The following EHBP1 variants were observed in gnomAD, a reference collection of about 807,000 sequenced individuals.
EHBP1 encodes the protein EH domain binding protein 1.
A neutral mutation model predicts 144.0 loss-of-function variants in EHBP1; 55 were observed. The observed-to-expected ratio is 0.38, with a 90% CI of 0.31 to 0.48. EHBP1 has a LOEUF of 0.48. EHBP1 is among the 20% of genes least tolerant of loss of function. The pLI is 0.98. For missense variants in EHBP1, 1,200 were observed against 1,364.2 expected (o/e 0.88, Z 1.90); for synonymous variants, 469 against 472.7 (o/e 0.99, Z 0.10).
At chr2:63,037,416 T>C (rs915634311) in intron 19 of EHBP1, 119 bp from the exon 20 acceptor site, 3 of 641,842 alleles carry the variant, frequency 4.7e-6, no homozygotes, top group Non-Finnish European at 8.0e-6. Flanking sequence ...TTATAAGCAG[T>C]TTAATATATA....
At chr2:62,714,284 T>C (rs2035450233) in intron 2 of EHBP1, among the ~76,000 whole-genome samples, 1 of 152,186 alleles carries the variant, frequency 6.6e-6, no homozygotes, top group Non-Finnish European at 1.5e-5. Flanking sequence ...TGGGAGTTAC[T>C]TGCAGCTAGT....
intron 19 of EHBP1, among the ~76,000 whole-genome samples, chr2:63,015,233 G>A (rs1006445004): frequency 6.6e-6 from 1 of 152,052 alleles, no homozygotes; most frequent in Non-Finnish European, 1.5e-5. Flanking sequence ...TGCCTCTTAA[G>A]ATATTATAAT....
At chr2:62,797,918 G>A (rs768799150) in intron 5 of EHBP1, among the ~76,000 whole-genome samples, 2 of 152,104 alleles carry the variant, frequency 1.3e-5, no homozygotes, top group Non-Finnish European at 2.9e-5. Flanking sequence ...ATCAAACTAG[G>A]TAACTAAACA....
chr2:62,746,684 C>G (rs1267288330), intron 2 of EHBP1, among the ~76,000 whole-genome samples: 1 of 151,898 alleles, frequency 6.6e-6, no homozygotes, highest in Non-Finnish European at 1.5e-5. Context: ...ATGGGAAAAA[C>G]CACAGTTACT....
At chr2:62,737,337 T>G (rs2038236783) in intron 2 of EHBP1, among the ~76,000 whole-genome samples, 1 of 152,150 alleles carries the variant, frequency 6.6e-6, no homozygotes, top group South Asian at 2.1e-4. Context: ...GAGGTAAAAC[T>G]CCCAAAAATG....
At chr2:62,725,131 C>T (rs1273917818) in intron 2 of EHBP1, among the ~76,000 whole-genome samples, 4 of 152,200 alleles carry the variant, frequency 2.6e-5, no homozygotes, top group African/African-American at 9.6e-5. Flanking sequence ...ACTTTGTTCT[C>T]TGGCTCCTCG....
At position 62,915,216 on chromosome 2, in the gene EHBP1, A is replaced by G. The variant is rs866541465; in HGVS notation, c.1186-27502A>G. Among the ~76,000 whole-genome samples the G allele has an allele frequency of 2.6e-5, 4 of 152,080 alleles. No individual in the cohort carries two copies. The South Asian group carries it at 8.3e-4, about 31-fold the overall frequency. On this transcript the variant is annotated intron_variant, in intron 10 of 22. Coordinates refer to ENST00000431489, the MANE Select transcript of EHBP1 (RefSeq NM_001142616.3). The stretch of plus-strand genomic sequence containing the variant: ...TTGCTATCATAGTACCTAATTTTAT[A>G]TACAAACTGTGATTGCATAGTTTTT...
chr2:62,725,557 G>A (rs150137443), intron 2 of EHBP1, among the ~76,000 whole-genome samples: 2 of 152,326 alleles, frequency 1.3e-5, no homozygotes, highest in Non-Finnish European at 2.9e-5. Flanking sequence ...CAGGGAGTCT[G>A]CTGTTTTCTG....
intron 10 of EHBP1, among the ~76,000 whole-genome samples, chr2:62,895,925 A>G (rs2052885181): frequency 6.6e-6 from 1 of 152,206 alleles, no homozygotes; most frequent in Non-Finnish European, 1.5e-5. Flanking sequence ...AATATTGAGT[A>G]CTGAACTGTA....
chr2:62,931,974 C>A (rs2056031336), intron 10 of EHBP1, among the ~76,000 whole-genome samples: 1 of 151,882 alleles, frequency 6.6e-6, no homozygotes, highest in Admixed American at 6.6e-5. Flanking sequence ...GTCAGGAGTT[C>A]AAGACCAGCC....
Position 62,948,598 on chromosome 2 carries a change from C to T in EHBP1, c.1752C>T (p.Ser584=), listed in dbSNP as rs771561185. 1.1e-5 allele frequency: 18 copies of T among 1,613,790 alleles called. No homozygotes were observed. Among genetic ancestry groups the T allele is most frequent in the Non-Finnish European group, 1.4e-5 (16 of 1,179,974 alleles). Residue 584 remains serine (S), a synonymous_variant, in exon 13 of 23, where the codon AGC becomes AGT. Transcript: ENST00000431489. ...SQDDSVFVND[S]GVGESESEHQ... ...ATGACTCTGTATTTGTAAATGATAG[C>T]GGGGTTGGAGAGTCAGAAAGTGAGC...
intron 3 of EHBP1, among the ~76,000 whole-genome samples, chr2:62,759,130 T>C (rs1306456609): frequency 1.3e-5 from 2 of 152,132 alleles, no homozygotes; most frequent in African/African-American, 2.4e-5. Context: ...TCCAAGTTGG[T>C]TTTTGGCAGA....
At chr2:62,908,698 G>A (rs1328704498) in intron 10 of EHBP1, among the ~76,000 whole-genome samples, 1 of 152,052 alleles carries the variant, frequency 6.6e-6, no homozygotes, top group East Asian at 1.9e-4. Context: ...TTAGTCTCGA[G>A]TACTTGTAAG....
At chr2:62,734,440 T>C (rs1054974151) in intron 2 of EHBP1, among the ~76,000 whole-genome samples, 1 of 150,824 alleles carries the variant, frequency 6.6e-6, no homozygotes, top group African/African-American at 2.4e-5. Context: ...ATATATATAA[T>C]TCATTGTAGA....
intron 5 of EHBP1, among the ~76,000 whole-genome samples, chr2:62,775,067 A>G (rs1573281786): frequency 1.3e-5 from 2 of 152,324 alleles, no homozygotes; most frequent in East Asian, 3.9e-4. Context: ...CCCCGTCTTT[A>G]TGATTACATA....
chr2:63,041,584 A>G (rs1297301492), intron 21 of EHBP1, among the ~76,000 whole-genome samples: 1 of 152,188 alleles, frequency 6.6e-6, no homozygotes, highest in Non-Finnish European at 1.5e-5. Flanking sequence ...ATCAATATGT[A>G]ATCCTGTGGA....
chr2:62,758,601 G>C (rs1046486061), intron 3 of EHBP1, among the ~76,000 whole-genome samples: 1 of 152,194 alleles, frequency 6.6e-6, no homozygotes, highest in Non-Finnish European at 1.5e-5. Context: ...AGTTAGGATA[G>C]ACCAGAAAAA....
intron 19 of EHBP1, among the ~76,000 whole-genome samples, chr2:62,998,332 G>A (rs913227437): frequency 3.9e-5 from 6 of 151,998 alleles, no homozygotes; most frequent in Non-Finnish European, 7.4e-5. Context: ...TTTTTCTTGG[G>A]TTTCTTAGGG....
chr2:62,835,369 A>G (rs1198204108), intron 7 of EHBP1, among the ~76,000 whole-genome samples: 1 of 152,194 alleles, frequency 6.6e-6, no homozygotes, highest in Non-Finnish European at 1.5e-5. Context: ...AGTAACTTAG[A>G]AGGTATATAA....
Sources: allele counts gnomAD v4.1 joint callset (sites outside exome capture counted in the v4.1 genomes callset), GRCh38; gene constraint gnomAD v4.1.1; transcripts MANE v1.5; gene names NCBI Gene and HGNC (gene_info 2026-07-23, HGNC 2026-07-21).